ATP2B2: variants seen among roughly 807,000 people sequenced by gnomAD.
The protein encoded by ATP2B2 is plasma membrane calcium-transporting ATPase 2.
ATP2B2 carries 15 observed loss-of-function variants against 120.0 expected under a neutral mutation model. The observed-to-expected ratio is 0.12, with a 90% confidence interval of 0.08 to 0.19. The LOEUF (loss-of-function observed/expected upper bound fraction) is 0.19. Among genes scored for constraint, ATP2B2 ranks in the 10% least tolerant of loss-of-function variants. ATP2B2 has a pLI of 1.00. For missense variants in ATP2B2, 1,045 were observed against 1,719.8 expected (o/e 0.61, Z 6.94); for synonymous variants, 694 against 700.3 (o/e 0.99, Z 0.14).
chr3:10,374,143 A>G (rs2061318902), intron 11 of ATP2B2, among the ~76,000 whole-genome samples: 3 of 152,218 alleles, frequency 2.0e-5, no homozygotes, highest in African/African-American at 7.2e-5. Context: ...GCCTAAAAGC[A>G]TCTGTATATG....
intron 2 of ATP2B2, among the ~76,000 whole-genome samples, chr3:10,596,403 G>A (rs146338308): frequency 2.0e-5 from 3 of 152,332 alleles, no homozygotes; most frequent in Admixed American, 6.5e-5. Context: ...GTTTGCTGAA[G>A]GAATGAACTT....
chr3:10,680,189 A>G (rs2071348160), intron 1 of ATP2B2, among the ~76,000 whole-genome samples: 1 of 152,166 alleles, frequency 6.6e-6, no homozygotes, highest in African/African-American at 2.4e-5. Context: ...GTGTCCACCC[A>G]CCAGTTTGCT....
chr3:10,443,918 T>G (rs898555715), intron 2 of ATP2B2, among the ~76,000 whole-genome samples: 1 of 152,230 alleles, frequency 6.6e-6, no homozygotes, highest in Non-Finnish European at 1.5e-5. Context: ...TGTCGGAGAC[T>G]AAGTATCTTG....
intron 1 of ATP2B2, among the ~76,000 whole-genome samples, chr3:10,652,877 G>C (rs2070504427): frequency 6.6e-6 from 1 of 152,190 alleles, no homozygotes; most frequent in Admixed American, 6.5e-5. Flanking sequence ...CACTCATGAG[G>C]TATGTACAGC....
At chr3:10,625,623 C>T (rs754275264) in intron 1 of ATP2B2, among the ~76,000 whole-genome samples, 2 of 152,124 alleles carry the variant, frequency 1.3e-5, no homozygotes, top group Admixed American at 6.5e-5. Context: ...CAAGAGGGGC[C>T]GGGCCCAGAG....
chr3:10,519,188 A>G (rs566238705), intron 3 of ATP2B2, among the ~76,000 whole-genome samples: 29 of 152,186 alleles, frequency 1.9e-4, no homozygotes, highest in Non-Finnish European at 3.8e-4. Context: ...AGACTCCAGA[A>G]TCTGTACTCC....
chr3:10,576,916 T>C (rs562478263), intron 2 of ATP2B2, among the ~76,000 whole-genome samples: 3 of 152,010 alleles, frequency 2.0e-5, no homozygotes, highest in East Asian at 3.9e-4. Flanking sequence ...TAGCCTGGTA[T>C]GGTGGCGGGT....
intron 1 of ATP2B2, among the ~76,000 whole-genome samples, chr3:10,630,888 T>G (rs1002026936): frequency 6.6e-6 from 1 of 152,082 alleles, no homozygotes; most frequent in Non-Finnish European, 1.5e-5. Flanking sequence ...GAGGCAGGGC[T>G]GTGATTTGAA....
At chr3:10,581,919 G>A (rs959076726) in intron 2 of ATP2B2, among the ~76,000 whole-genome samples, 1 of 152,154 alleles carries the variant, frequency 6.6e-6, no homozygotes, top group Non-Finnish European at 1.5e-5. Context: ...TAAACACAGA[G>A]CACAAATAAG....
intron 1 of ATP2B2, among the ~76,000 whole-genome samples, chr3:10,649,058 A>T (rs2070388214): frequency 6.6e-6 from 1 of 152,196 alleles, no homozygotes; most frequent in Non-Finnish European, 1.5e-5. Context: ...GCCACTAGCC[A>T]CATGTGGCCA....
chr3:10,513,474 G>A (rs1353658775), intron 3 of ATP2B2, among the ~76,000 whole-genome samples: 2 of 152,216 alleles, frequency 1.3e-5, no homozygotes, highest in Non-Finnish European at 2.9e-5. Flanking sequence ...AGCTGGGAAG[G>A]GTTTTCAGGA....
chr3:10,602,484 C>T (rs1412105949), intron 2 of ATP2B2, among the ~76,000 whole-genome samples: 1 of 152,192 alleles, frequency 6.6e-6, no homozygotes, highest in Non-Finnish European at 1.5e-5. Flanking sequence ...GTTAATGTGC[C>T]TTGAACACCT....
chr3:10,427,448 A>G (rs1026734185), intron 2 of ATP2B2, among the ~76,000 whole-genome samples: 3 of 152,178 alleles, frequency 2.0e-5, no homozygotes, highest in African/African-American at 7.2e-5. Flanking sequence ...CTTCTGACCC[A>G]CAATATACGC....
chr3:10,392,358 C>G (rs2124905827), intron 5 of ATP2B2, among the ~76,000 whole-genome samples: 1 of 151,096 alleles, frequency 6.6e-6, no homozygotes, highest in Non-Finnish European at 1.5e-5. Context: ...CCTCACTGGG[C>G]TGTGCCCTGT....
chr3:10,702,909 C>A (rs572306210), intron 1 of ATP2B2, among the ~76,000 whole-genome samples: 1 of 152,172 alleles, frequency 6.6e-6, no homozygotes, highest in Non-Finnish European at 1.5e-5. Flanking sequence ...TGCATTCCCC[C>A]ACTCCCATCA....
chr3:10,706,922 C>G (rs1029193749), intron 1 of ATP2B2, among the ~76,000 whole-genome samples: 1 of 152,216 alleles, frequency 6.6e-6, no homozygotes, highest in African/African-American at 2.4e-5. Flanking sequence ...ACTCCTGCCC[C>G]CTGCTGTGTG....
intron 5 of ATP2B2, among the ~76,000 whole-genome samples, chr3:10,398,442 C>T (rs759198606): frequency 2.6e-5 from 4 of 152,212 alleles, no homozygotes; most frequent in Non-Finnish European, 4.4e-5. Context: ...TTTGCAGTCA[C>T]CCCTTTCTCA....
At chr3:10,403,306 G>A (rs1559291783) in intron 3 of ATP2B2, among the ~76,000 whole-genome samples, 1 of 152,180 alleles carries the variant, frequency 6.6e-6, no homozygotes, top group Non-Finnish European at 1.5e-5. Flanking sequence ...GCTGCAGGCC[G>A]CTTGTCTGAC....
intron 2 of ATP2B2, among the ~76,000 whole-genome samples, chr3:10,550,831 C>T (rs539936067): frequency 1.3e-4 from 20 of 152,336 alleles, no homozygotes; most frequent in African/African-American, 4.8e-4. Context: ...GAAGGGGAAA[C>T]ATTCACAGTT....
Sources: gnomAD v4.1 joint callset for allele counts (sites outside exome capture counted in the v4.1 genomes callset) on GRCh38, gnomAD v4.1.1 for gene constraint, MANE v1.5 for transcripts, NCBI Gene and HGNC (gene_info 2026-07-23, HGNC 2026-07-21) for gene names.